The following ADAD1 variants were observed in gnomAD, a reference collection of about 807,000 sequenced individuals.
ADAD1 encodes the protein adenosine deaminase domain containing 1.
Under a neutral mutation model 66.8 loss-of-function variants are expected in ADAD1, and 46 were observed. That is an observed-to-expected ratio of 0.69 (90% CI 0.54 to 0.88). The LOEUF (loss-of-function observed/expected upper bound fraction) is 0.88. Among genes scored for constraint, ADAD1 ranks in the 40% least tolerant of loss-of-function variants. ADAD1 has a pLI of 0.00. For missense variants in ADAD1, 617 were observed against 681.8 expected (o/e 0.91, Z 1.06); for synonymous variants, 248 against 229.4 (o/e 1.08, Z -0.73).
intron 7 of ADAD1, among the ~76,000 whole-genome samples, chr4:122,402,935 T>A (rs1796044781): frequency 6.6e-6 from 1 of 152,222 alleles, no homozygotes; most frequent in South Asian, 2.1e-4. Context: ...GTTTTCACCT[T>A]TCTCTGGTAC....
chr4:122,404,486 A>C (rs1796119073), intron 7 of ADAD1, among the ~76,000 whole-genome samples: 1 of 152,146 alleles, frequency 6.6e-6, no homozygotes, highest in Non-Finnish European at 1.5e-5. Flanking sequence ...ATGTGTGTTC[A>C]GAGGTAGGCT....
At chr4:122,397,700 A>T (rs1029886579) in intron 7 of ADAD1, among the ~76,000 whole-genome samples, 1 of 152,180 alleles carries the variant, frequency 6.6e-6, no homozygotes, top group African/African-American at 2.4e-5. Flanking sequence ...TTTTAAAAAA[A>T]TTTGATAAGG....
At chr4:122,402,933 CT>C (rs1295028288) in intron 7 of ADAD1, among the ~76,000 whole-genome samples, 1 of 151,990 alleles carries the variant, frequency 6.6e-6, no homozygotes, top group African/African-American at 2.4e-5. Context: ...TGGTTTTCAC[CT>C]TTCTCTGGTA....
chr4:122,403,147 G>A (rs963309280), intron 7 of ADAD1, among the ~76,000 whole-genome samples: 1 of 152,170 alleles, frequency 6.6e-6, no homozygotes, highest in African/African-American at 2.4e-5. Context: ...GGAACTCAAG[G>A]CCTGCTCTTC....
At chr4:122,426,211 G>C (rs1797228933) in intron 12 of ADAD1, among the ~76,000 whole-genome samples, 1 of 152,046 alleles carries the variant, frequency 6.6e-6, no homozygotes, top group Non-Finnish European at 1.5e-5. Flanking sequence ...TATTATAAGG[G>C]ATTATGAACA....
intron 11 of ADAD1, among the ~76,000 whole-genome samples, chr4:122,417,599 G>A (rs1580800578): frequency 6.6e-6 from 1 of 152,152 alleles, no homozygotes; most frequent in African/African-American, 2.4e-5. Context: ...TCAGTTCATG[G>A]TAGATCAGGT....
At chr4:122,414,219 G>A (rs761679567) in intron 10 of ADAD1, among the ~76,000 whole-genome samples, 5 of 138,142 alleles carry the variant, frequency 3.6e-5, no homozygotes, top group Admixed American at 7.4e-5. Flanking sequence ...CATTTCATGA[G>A]GAATTTGACT....
At chr4:122,388,891 A>G (rs1795310286) in intron 5 of ADAD1, among the ~76,000 whole-genome samples, 1 of 151,358 alleles carries the variant, frequency 6.6e-6, no homozygotes, top group Admixed American at 6.6e-5. Context: ...GATCTTAGTT[A>G]TTTCTTGTCT....
intron 7 of ADAD1, among the ~76,000 whole-genome samples, chr4:122,406,016 T>C (rs994237202): frequency 6.6e-6 from 1 of 152,188 alleles, no homozygotes; most frequent in African/African-American, 2.4e-5. Flanking sequence ...TCTTGGCTAT[T>C]GTGAATAATG....
At chr4:122,391,978 G>A (rs1223334444) in intron 5 of ADAD1, among the ~76,000 whole-genome samples, 1 of 152,132 alleles carries the variant, frequency 6.6e-6, no homozygotes, top group Non-Finnish European at 1.5e-5. Context: ...CCAAAATGCT[G>A]GGATTACAAG....
intron 12 of ADAD1, among the ~76,000 whole-genome samples, chr4:122,421,779 G>T (rs1797011185): frequency 1.3e-5 from 2 of 151,928 alleles, no homozygotes; most frequent in Non-Finnish European, 1.5e-5. Flanking sequence ...CTATTTTAAA[G>T]TTGTGAGAAA....
Position 122,383,815 on chromosome 4 carries a change from A to G in ADAD1, c.378A>G (p.Pro126=), listed in dbSNP as rs966693607. The change falls in exon 5 of 13, where the codon CCA becomes CCG. Residue 126 remains proline, a synonymous_variant. Transcript: ENST00000296513. ...TTTTTCAAGGTAATGTTATGGGACC[A>G]TATTTTGCCTTTTGTGCTGTGGTGG... The part of the protein sequence containing the change: ...ETVTTGNVMG[P]YFAFCAVVDG... The G allele has an allele frequency of 6.2e-7, 1 of 1,601,168 alleles. No homozygotes were observed. Among genetic ancestry groups the G allele is most frequent in the Non-Finnish European group, 8.5e-7 (1 of 1,176,470 alleles).
intron 6 of ADAD1, among the ~76,000 whole-genome samples, chr4:122,395,664 CAA>C (rs57013887): frequency 4.4e-5 from 6 of 137,182 alleles, no homozygotes; most frequent in Admixed American, 1.5e-4. Context: ...GACTCCATCT[CAA>C]AAAAAAAAAA....
At chr4:122,404,581 G>T (rs2150569338) in intron 7 of ADAD1, among the ~76,000 whole-genome samples, 1 of 152,238 alleles carries the variant, frequency 6.6e-6, no homozygotes, top group Non-Finnish European at 1.5e-5. Context: ...CAAAGGGTCT[G>T]TAAATTCCTT....
intron 7 of ADAD1, 73 bp from the exon 8 acceptor site, chr4:122,407,835 G>A: frequency 2.8e-6 from 4 of 1,427,836 alleles, no homozygotes; most frequent in Admixed American, 2.2e-5. Flanking sequence ...AAAATGATGA[G>A]ATAGAGGTAA....
At chr4:122,425,994 G>A (rs1448750321) in intron 12 of ADAD1, among the ~76,000 whole-genome samples, 2 of 151,834 alleles carry the variant, frequency 1.3e-5, no homozygotes, top group Non-Finnish European at 2.9e-5. Context: ...AGGAAATAAT[G>A]AAATGTAATG....
At position 122,393,637 on chromosome 4, in the gene ADAD1, A is replaced by G. The variant is rs767212361; in HGVS notation, c.578A>G (p.Tyr193Cys). 2.5e-6 allele frequency: 4 copies of G among 1,602,122 alleles called. No individual in the cohort carries two copies. In the South Asian group the frequency reaches 4.5e-5, roughly 18 times the overall value. ...AEPVVLSELA[Y>C]VSKVHYEGRH... Reference sequence around the variant, plus strand: ...CCTGTTGTTTTATCTGAACTAGCATATGTTTCAAAAGTACATTATGGTAGG... The same window carrying G: ...CCTGTTGTTTTATCTGAACTAGCATGTGTTTCAAAAGTACATTATGGTAGG... The change falls in exon 6 of 13, where the codon TAT becomes TGT. Residue 193 changes from tyrosine to cysteine, a missense_variant. Tyr to Cys is a radical substitution (Grantham distance 194). Coordinates refer to ENST00000296513, the MANE Select transcript of ADAD1 (RefSeq NM_139243.4).
intron 7 of ADAD1, among the ~76,000 whole-genome samples, chr4:122,399,740 C>CTTTTTTTTTTTTTTTT (rs145100591): frequency 9.0e-6 from 1 of 110,534 alleles, no homozygotes. Context: ...ATTTTCTTTT[C>CTTTTTTTTTTTTTTTT]TTTTTTTTTT....
intron 4 of ADAD1, 145 bp downstream of exon 4, chr4:122,381,325 C>T: frequency 4.9e-6 from 4 of 817,658 alleles, no homozygotes; most frequent in Non-Finnish European, 7.2e-6. Context: ...TATGTTCACA[C>T]TTCTTTAGCC....
Sources: gnomAD v4.1 joint callset for allele counts (sites outside exome capture counted in the v4.1 genomes callset) on GRCh38, gnomAD v4.1.1 for gene constraint, MANE v1.5 for transcripts, NCBI Gene and HGNC (gene_info 2026-07-23, HGNC 2026-07-21) for gene names.